BCAS4: variants seen among roughly 807,000 people sequenced by gnomAD.
BCAS4 encodes breast carcinoma amplified sequence 4.
In BCAS4, 9 loss-of-function variants were observed where a neutral mutation model predicts 15.7. That is an observed-to-expected ratio of 0.57 (90% CI 0.34 to 1.00). The LOEUF (loss-of-function observed/expected upper bound fraction) is 1.00, where lower values mean the gene tolerates loss of function less well. BCAS4 is among the 50% of genes least tolerant of loss of function. The pLI, the probability that BCAS4 is intolerant of heterozygous loss-of-function variation, is 0.02. For synonymous variants in BCAS4, 101 were observed against 99.5 expected (o/e 1.02, Z -0.09); for missense variants, 225 against 239.1 (o/e 0.94, Z 0.39).
intron 3 of BCAS4, among the ~76,000 whole-genome samples, chr20:50,838,276 C>A (rs2088434625): frequency 6.6e-6 from 1 of 152,202 alleles, no homozygotes; most frequent in South Asian, 2.1e-4. Flanking sequence ...GTTTTAGAAC[C>A]CACATTCTAA....
intron 1 of BCAS4, among the ~76,000 whole-genome samples, chr20:50,800,966 T>C (rs1451332957): frequency 6.6e-6 from 1 of 152,204 alleles, no homozygotes. Context: ...AAGATGGCCT[T>C]GAGTTTCAAG....
chr20:50,841,427 A>ACC (rs68145179), intron 3 of BCAS4, among the ~76,000 whole-genome samples: 4 of 151,642 alleles, frequency 2.6e-5, no homozygotes, highest in African/African-American at 7.3e-5. Context: ...GTGCCCTGAG[A>ACC]CCCCCGCCCC....
intron 1 of BCAS4, among the ~76,000 whole-genome samples, chr20:50,811,006 A>G (rs2088055535): frequency 6.6e-6 from 1 of 152,154 alleles, no homozygotes; most frequent in African/African-American, 2.4e-5. Context: ...TGGAAGAAAT[A>G]TTTGAGCAAA....
intron 4 of BCAS4, among the ~76,000 whole-genome samples, chr20:50,855,989 C>T (rs192748232): frequency 9.3e-4 from 142 of 152,332 alleles, no homozygotes; most frequent in African/African-American, 3.4e-3. Context: ...CTGCAGAGGA[C>T]AGGCTGGGAA....
intron 1 of BCAS4, among the ~76,000 whole-genome samples, chr20:50,813,532 T>C (rs2088098046): frequency 6.6e-6 from 1 of 151,992 alleles, no homozygotes; most frequent in Non-Finnish European, 1.5e-5. Flanking sequence ...ATTTTGAAGG[T>C]AGAAATGAGA....
At chr20:50,805,456 A>G (rs912129183) in intron 1 of BCAS4, among the ~76,000 whole-genome samples, 2 of 152,220 alleles carry the variant, frequency 1.3e-5, no homozygotes, top group African/African-American at 4.8e-5. Context: ...TTGCATAAAC[A>G]TCTGGATTGC....
At position 50,841,920 on chromosome 20, in the gene BCAS4, A is replaced by C; in HGVS notation, c.399+20A>C. 1 of 1,542,516 alleles carries C rather than the reference A, an allele frequency of 6.5e-7. No individual in the cohort carries two copies. The highest frequency in any genetic ancestry group is 1.4e-5 in the African/African-American group (1 of 72,024). Reference sequence around the variant, plus strand: ...AGGAACGTGAGTATCCTGCCCCGAGAAGTGAGGGGAGGGCCTCTCCCCCTT... The same window carrying C: ...AGGAACGTGAGTATCCTGCCCCGAGCAGTGAGGGGAGGGCCTCTCCCCCTT... On this transcript the variant is annotated intron_variant, in intron 4 of 4. Coordinates refer to ENST00000371608, the MANE Select transcript of BCAS4 (RefSeq NM_198799.4).
intron 1 of BCAS4, among the ~76,000 whole-genome samples, chr20:50,809,140 T>C (rs1403878926): frequency 6.6e-6 from 1 of 152,198 alleles, no homozygotes; most frequent in Non-Finnish European, 1.5e-5. Context: ...ATCAGTTGGC[T>C]GTAAGTATTT....
intron 2 of BCAS4, among the ~76,000 whole-genome samples, chr20:50,826,900 C>T (rs923200319): frequency 6.6e-6 from 1 of 151,800 alleles, no homozygotes. Context: ...CCCAGGAGGT[C>T]GAGGCTGCAA....
At chr20:50,810,927 A>C (rs1230478879) in intron 1 of BCAS4, among the ~76,000 whole-genome samples, 1 of 152,106 alleles carries the variant, frequency 6.6e-6, no homozygotes, top group African/African-American at 2.4e-5. Flanking sequence ...GATAAATGCT[A>C]AAGGGAAAAG....
At chr20:50,802,406 T>C (rs1449039110) in intron 1 of BCAS4, among the ~76,000 whole-genome samples, 1 of 152,128 alleles carries the variant, frequency 6.6e-6, no homozygotes, top group African/African-American at 2.4e-5. Context: ...TTTTCTCAGA[T>C]GTGCCTGACT....
chr20:50,822,873 C>T (rs1369646650), intron 2 of BCAS4, among the ~76,000 whole-genome samples: 4 of 151,504 alleles, frequency 2.6e-5, no homozygotes, highest in South Asian at 2.1e-4. Context: ...GTGATCCACC[C>T]GCCTCAGCCA....
At chr20:50,821,704 G>T (rs1434994056) in intron 2 of BCAS4, among the ~76,000 whole-genome samples, 1 of 152,168 alleles carries the variant, frequency 6.6e-6, no homozygotes, top group Non-Finnish European at 1.5e-5. Context: ...GGGCTGCACG[G>T]TTTAGAGAGA....
chr20:50,795,854 A>G (rs1040186943), intron 1 of BCAS4, among the ~76,000 whole-genome samples: 1 of 152,248 alleles, frequency 6.6e-6, no homozygotes, highest in Non-Finnish European at 1.5e-5. Flanking sequence ...TTAGAAAACC[A>G]GCATTAACTG....
At position 50,876,669 on chromosome 20, in the gene BCAS4, G is replaced by C; in HGVS notation, c.*61G>C. 1 of 1,553,176 alleles carries C rather than the reference G, an allele frequency of 6.4e-7. No individual in the cohort carries two copies. Among genetic ancestry groups the C allele is most frequent in the Non-Finnish European group, 8.7e-7 (1 of 1,155,142 alleles). On this transcript the variant is annotated 3_prime_UTR_variant, in exon 5 of 5. Transcript: ENST00000371608. ...GACATTGTGTACACACTGCAGCTTG[G>C]GGGTTTTTTCTTTGTATTGCTGTTT...
chr20:50,857,281 G>A (rs879240024), intron 4 of BCAS4, among the ~76,000 whole-genome samples: 4 of 152,246 alleles, frequency 2.6e-5, no homozygotes, highest in Admixed American at 6.5e-5. Context: ...ACAGGCATGC[G>A]CCACCACACC....
At chr20:50,852,310 T>C (rs975426816) in intron 4 of BCAS4, among the ~76,000 whole-genome samples, 1 of 152,146 alleles carries the variant, frequency 6.6e-6, no homozygotes, top group Non-Finnish European at 1.5e-5. Flanking sequence ...GGCGGGGCCC[T>C]CAGCTGCAGC....
intron 1 of BCAS4, 120 bp from the exon 2 acceptor site, chr20:50,818,091 G>A (rs2272963): frequency 0.026 from 22,569 of 884,426 alleles, 322 homozygotes; most frequent in Middle Eastern, 0.049. Flanking sequence ...GAAGGGGGTC[G>A]AGCAGGAACC....
At chr20:50,853,918 C>T (rs1243951428) in intron 4 of BCAS4, among the ~76,000 whole-genome samples, 3 of 152,128 alleles carry the variant, frequency 2.0e-5, no homozygotes, top group South Asian at 2.1e-4. Context: ...TAGCCTCACT[C>T]GCTAGATGTA....
Sources: allele counts gnomAD v4.1 joint callset (sites outside exome capture counted in the v4.1 genomes callset), GRCh38; gene constraint gnomAD v4.1.1; transcripts MANE v1.5; gene names NCBI Gene and HGNC (gene_info 2026-07-23, HGNC 2026-07-21).